EPHA6: variants seen among roughly 807,000 people sequenced by gnomAD.
EPHA6 encodes the protein EPH receptor A6, also known as ephrin type-A receptor 6.
A neutral mutation model predicts 112.0 loss-of-function variants in EPHA6; 50 were observed. The ratio of observed to expected loss-of-function variants is 0.45; its 90% confidence interval spans 0.36 to 0.56. The LOEUF (loss-of-function observed/expected upper bound fraction) is 0.56. Ranked by LOEUF, EPHA6 falls within the 20% of genes least tolerant of loss-of-function variation. The probability of loss-of-function intolerance (pLI) is 0.00; values close to 1 mark genes in which losing one functional copy is unlikely to be tolerated. For synonymous variants in EPHA6, 529 were observed against 490.7 expected (o/e 1.08, Z -1.03); for missense variants, 1,280 against 1,417.4 (o/e 0.90, Z 1.56).
chr3:97,045,814 A>C (rs943531675), intron 3 of EPHA6, among the ~76,000 whole-genome samples: 26 of 152,046 alleles, frequency 1.7e-4, no homozygotes, highest in African/African-American at 6.3e-4. Context: ...TGGTGGGTAC[A>C]TATGTAGGTA....
At chr3:97,123,803 C>T (rs573685482) in intron 3 of EPHA6, among the ~76,000 whole-genome samples, 1 of 152,116 alleles carries the variant, frequency 6.6e-6, no homozygotes, top group East Asian at 1.9e-4. Context: ...TGAAATCAGC[C>T]ATAGTGATGT....
intron 3 of EPHA6, among the ~76,000 whole-genome samples, chr3:97,191,043 C>T (rs576273617): frequency 1.3e-5 from 2 of 152,192 alleles, no homozygotes; most frequent in South Asian, 4.1e-4. Flanking sequence ...TCTCCTCGCT[C>T]CCTAGCCTCT....
intron 2 of EPHA6, among the ~76,000 whole-genome samples, chr3:96,887,113 C>A (rs1022539401): frequency 6.6e-6 from 1 of 151,968 alleles, no homozygotes; most frequent in Non-Finnish European, 1.5e-5. Flanking sequence ...GGTTTGGATC[C>A]CTTGCTGCTG....
At chr3:97,055,926 A>G (rs1450589026) in intron 3 of EPHA6, among the ~76,000 whole-genome samples, 1 of 152,170 alleles carries the variant, frequency 6.6e-6, no homozygotes, top group Admixed American at 6.5e-5. Context: ...CTGATGTAAT[A>G]TAAGTTGGTA....
chr3:97,552,329 C>A (rs2093040039), intron 11 of EPHA6, among the ~76,000 whole-genome samples: 2 of 152,146 alleles, frequency 1.3e-5, no homozygotes, highest in Non-Finnish European at 2.9e-5. Context: ...GGAGGCCCAG[C>A]CTTCAGTCTA....
At chr3:96,992,634 T>C (rs2856482) in intron 3 of EPHA6, among the ~76,000 whole-genome samples, 27,417 of 152,020 alleles carry the variant, frequency 0.18, 4,419 homozygotes, top group African/African-American at 0.43. Context: ...TCTGATATAT[T>C]GATTCTAAGG....
At chr3:97,239,760 G>A (rs1005656796) in intron 4 of EPHA6, among the ~76,000 whole-genome samples, 3 of 151,658 alleles carry the variant, frequency 2.0e-5, no homozygotes, top group Non-Finnish European at 4.4e-5. Context: ...GAAAGGGGAG[G>A]CAGGAGAAGC....
intron 3 of EPHA6, among the ~76,000 whole-genome samples, chr3:97,048,549 AC>A (rs1256959536): frequency 6.6e-6 from 1 of 152,206 alleles, no homozygotes; most frequent in Non-Finnish European, 1.5e-5. Context: ...TTAGTGAGAG[AC>A]ATTGTAAGGA....
intron 5 of EPHA6, among the ~76,000 whole-genome samples, chr3:97,306,585 A>G (rs954604178): frequency 6.6e-6 from 1 of 151,844 alleles, no homozygotes; most frequent in Non-Finnish European, 1.5e-5. Context: ...CAGAAACAAG[A>G]GTCCTTGTCT....
intron 14 of EPHA6, among the ~76,000 whole-genome samples, chr3:97,697,245 G>A (rs1210035898): frequency 1.3e-5 from 2 of 152,196 alleles, no homozygotes; most frequent in Admixed American, 6.5e-5. Flanking sequence ...AACAAAACCA[G>A]TGTATTAGTT....
chr3:96,960,248 T>C (rs2041907841), intron 2 of EPHA6, among the ~76,000 whole-genome samples: 1 of 152,182 alleles, frequency 6.6e-6, no homozygotes. Context: ...TCTTGGAGAA[T>C]GATTTTTTCT....
chr3:97,186,904 T>A (rs1559783658), intron 3 of EPHA6, among the ~76,000 whole-genome samples: 1 of 152,098 alleles, frequency 6.6e-6, no homozygotes, highest in East Asian at 1.9e-4. Flanking sequence ...TACCAAATGT[T>A]TCAACACTGT....
At chr3:96,978,532 T>TC (rs2042623510) in intron 2 of EPHA6, among the ~76,000 whole-genome samples, 1 of 152,208 alleles carries the variant, frequency 6.6e-6, no homozygotes, top group South Asian at 2.1e-4. Flanking sequence ...TTTTAGGGAA[T>TC]CAGATCCAAA....
intron 6 of EPHA6, among the ~76,000 whole-genome samples, chr3:97,443,835 A>G (rs530851441): frequency 3.3e-4 from 51 of 152,250 alleles, no homozygotes; most frequent in African/African-American, 1.2e-3. Context: ...AGTTACTTCT[A>G]GTGTATAGAT....
At chr3:97,566,005 C>A (rs2093261137) in intron 11 of EPHA6, among the ~76,000 whole-genome samples, 1 of 136,348 alleles carries the variant, frequency 7.3e-6, no homozygotes, top group Non-Finnish European at 1.5e-5. Flanking sequence ...GGCAACAGAG[C>A]GAGACACCGT....
At chr3:97,422,456 A>G (rs531080684) in intron 6 of EPHA6, among the ~76,000 whole-genome samples, 9 of 152,174 alleles carry the variant, frequency 5.9e-5, no homozygotes, top group Non-Finnish European at 1.3e-4. Flanking sequence ...TTCATAAAAC[A>G]GGTTTTTAGA....
intron 13 of EPHA6, among the ~76,000 whole-genome samples, chr3:97,616,453 G>A (rs1016617582): frequency 3.9e-5 from 6 of 152,224 alleles, no homozygotes; most frequent in Middle Eastern, 3.4e-3. Flanking sequence ...ACAGAAGTAG[G>A]CTTCCAAATG....
chr3:97,482,873 T>C (rs1035908738), intron 9 of EPHA6, among the ~76,000 whole-genome samples: 5 of 152,224 alleles, frequency 3.3e-5, no homozygotes, highest in African/African-American at 1.2e-4. Context: ...TGTGTGATTA[T>C]TGCCTGTAAA....
intron 1 of EPHA6, among the ~76,000 whole-genome samples, chr3:96,825,671 A>C (rs923796901): frequency 6.6e-6 from 1 of 151,908 alleles, no homozygotes; most frequent in African/African-American, 2.4e-5. Context: ...ATAGAATTAG[A>C]AATTGCTGCC....
Sources: allele counts gnomAD v4.1 joint callset (sites outside exome capture counted in the v4.1 genomes callset), GRCh38; gene constraint gnomAD v4.1.1; transcripts MANE v1.5; gene names NCBI Gene and HGNC (gene_info 2026-07-23, HGNC 2026-07-21).